Variants in GLYATL2 observed in about 807,000 individuals in gnomAD.
GLYATL2 encodes the protein glycine-N-acyltransferase like 2.
A neutral mutation model predicts 21.4 loss-of-function variants in GLYATL2; 25 were observed. That is an observed-to-expected ratio of 1.17 (90% CI 0.85 to 1.63). GLYATL2 has a LOEUF of 1.63. GLYATL2 is among the 40% of genes most tolerant of loss of function. GLYATL2 has a pLI of 0.00. For missense variants in GLYATL2, 361 were observed against 343.3 expected (o/e 1.05, Z -0.41); for synonymous variants, 114 against 118.2 (o/e 0.96, Z 0.23).
chr11:58,900,003 T>C (rs756475724), intron 1 of GLYATL2, among the ~76,000 whole-genome samples: 7 of 145,948 alleles, frequency 4.8e-5, no homozygotes, highest in Non-Finnish European at 9.1e-5. Flanking sequence ...TAGGTATCAG[T>C]AGTATTTTGG....
At chr11:58,884,742 G>A (rs1854405760) in intron 1 of GLYATL2, among the ~76,000 whole-genome samples, 1 of 152,158 alleles carries the variant, frequency 6.6e-6, no homozygotes, top group Non-Finnish European at 1.5e-5. Flanking sequence ...ATCTCTGTAA[G>A]AACTTGAGAA....
chr11:58,861,807 TTTAA>T (rs1160482175), intron 1 of GLYATL2, among the ~76,000 whole-genome samples: 1 of 152,154 alleles, frequency 6.6e-6, no homozygotes, highest in African/African-American at 2.4e-5. Context: ...AAGCATGCTG[TTTAA>T]TTTTCATGTA....
chr11:58,842,679 A>C (rs1368150629), intron 1 of GLYATL2, among the ~76,000 whole-genome samples: 1 of 152,216 alleles, frequency 6.6e-6, no homozygotes, highest in African/African-American at 2.4e-5. Context: ...ATAATAAAAC[A>C]AAAATTCATG....
At chr11:58,849,794 G>A (rs1339517582) in intron 1 of GLYATL2, among the ~76,000 whole-genome samples, 1 of 152,124 alleles carries the variant, frequency 6.6e-6, no homozygotes, top group Admixed American at 6.6e-5. Context: ...TGGTAGGTGG[G>A]GGCCTGGGAG....
rs187424101 is a variant in GLYATL2, at chr11:58,855,673, T to A, written n.61-17305A>T. Among the ~76,000 whole-genome samples the A allele has an allele frequency of 1.3e-4, 20 of 152,354 alleles. No homozygotes were observed. The East Asian group carries it at 3.1e-3, about 23-fold the overall frequency. The stretch of plus-strand genomic sequence containing the variant: ...GTCTTCCCCTTTCCAGCTCTGAAAG[T>A]CCTTGATGGCATCTTCTTCCAAAAG... On this transcript the variant is annotated intron_variant and non_coding_transcript_variant, in intron 1 of 4. Transcript: ENST00000533636.
In GLYATL2 at chr11:58,866,381, A is replaced by G. The variant is rs112955726; in HGVS notation, n.61-28013T>C. On this transcript the variant is annotated intron_variant and non_coding_transcript_variant, in intron 1 of 4. Transcript: ENST00000533636. ...AGTTAAAACAGCTTTCTTTTGCTAC[A>G]GAAAGATGCAACCACATCTAAAGCC... 1.3e-3 allele frequency among the ~76,000 whole-genome samples: 198 copies of G among 149,022 alleles called. 19 individuals carry two copies. Among genetic ancestry groups the G allele is most frequent in the Middle Eastern group, 6.8e-3 (2 of 294 alleles).
At chr11:58,890,946 A>G (rs1423043359) in intron 1 of GLYATL2, among the ~76,000 whole-genome samples, 1 of 151,920 alleles carries the variant, frequency 6.6e-6, no homozygotes, top group Non-Finnish European at 1.5e-5. Flanking sequence ...CATTATTTAT[A>G]GCTTTCATTT....
chr11:58,881,355 C>T (rs1554979046), intron 1 of GLYATL2, among the ~76,000 whole-genome samples: 1 of 152,184 alleles, frequency 6.6e-6, no homozygotes, highest in Non-Finnish European at 1.5e-5. Context: ...TGATGATAAC[C>T]TTCTCCAAGT....
rs1486449490 is a variant in GLYATL2, at chr11:58,840,888, A to T, written c.-40-1236T>A. 4 of 150,728 alleles carry T rather than the reference A, an allele frequency of 2.7e-5. No individual in the cohort carries two copies. The East Asian group carries it at 7.7e-4, about 29-fold the overall frequency. The allele number at this position is 150,728 out of a possible 1,614,324, so 9.3% of individuals were successfully genotyped here. A position where few individuals can be genotyped will look rare whatever the true frequency, so the allele number is the denominator to read the frequency against. On this transcript the variant is annotated intron_variant, in intron 1 of 5. Transcript: ENST00000287275. ...AATAAAATAAAATAAAATAAAAATT[A>T]AAAAAATAATAATATAAAGATGCAT... is the stretch of plus-strand genomic sequence containing the variant.
At chr11:58,884,288 G>C (rs1332368961) in intron 1 of GLYATL2, among the ~76,000 whole-genome samples, 2 of 152,192 alleles carry the variant, frequency 1.3e-5, no homozygotes, top group Admixed American at 6.5e-5. Context: ...CCTGTTTGCA[G>C]ATGATATGAT....
At chr11:58,882,601 C>T (rs1854360310) in intron 1 of GLYATL2, among the ~76,000 whole-genome samples, 1 of 152,142 alleles carries the variant, frequency 6.6e-6, no homozygotes, top group Non-Finnish European at 1.5e-5. Flanking sequence ...TCCCATTTGT[C>T]TATTCTGGCT....
At chr11:58,906,467 T>C (rs1025126523), upstream of GLYATL2, among the ~76,000 whole-genome samples, 3 of 152,090 alleles carry the variant, frequency 2.0e-5, no homozygotes, top group Non-Finnish European at 4.4e-5. Context: ...CTGTTCAAAG[T>C]TCCTGGGGTG....
At chr11:58,865,351 CA>C (rs1199031026) in intron 1 of GLYATL2, among the ~76,000 whole-genome samples, 1 of 148,596 alleles carries the variant, frequency 6.7e-6, no homozygotes, top group Non-Finnish European at 1.5e-5. Flanking sequence ...TTTTCCTTAA[CA>C]AAATAGGACT....
chr11:58,838,856 A>C (rs577053883), intron 2 of GLYATL2, among the ~76,000 whole-genome samples: 1 of 152,270 alleles, frequency 6.6e-6, no homozygotes, highest in East Asian at 1.9e-4. Flanking sequence ...CCCAAGGAGG[A>C]AAAGCACTAC....
At chr11:58,904,393 T>C (rs953097360), upstream of GLYATL2, among the ~76,000 whole-genome samples, 1 of 152,240 alleles carries the variant, frequency 6.6e-6, no homozygotes, top group Non-Finnish European at 1.5e-5. Flanking sequence ...TTTATGCTAA[T>C]GGAATGTGCA....
At chr11:58,864,593 C>T (rs1188508986) in intron 1 of GLYATL2, among the ~76,000 whole-genome samples, 1 of 149,260 alleles carries the variant, frequency 6.7e-6, no homozygotes, top group East Asian at 2.2e-4. Context: ...GTGTGCTCTG[C>T]TGCTCTGGTA....
rs1197394818 is a variant in GLYATL2, at chr11:58,837,057, C to A, written c.434G>T (p.Ser145Ile). ...TTCAAATAACTCCATCTTGTCATTA[C>A]TTGAGGTCTTGTGTTTCTTTGGTAA... is the stretch of plus-strand genomic sequence containing the variant. Reference protein sequence around the residue: ...PELPKKHKTSSNDKMELFEVD... With the variant: ...PELPKKHKTSINDKMELFEVD... Residue 145 changes from serine to isoleucine, a missense_variant, in exon 5 of 6, where the codon AGT (serine) becomes ATT (isoleucine). Ser to Ile is a moderately radical substitution (Grantham distance 142, BLOSUM62 -2). Coordinates refer to ENST00000287275, the MANE Select transcript of GLYATL2 (RefSeq NM_145016.4). 1.2e-6 allele frequency: 2 copies of A among 1,613,736 alleles called. No individual in the cohort carries two copies. The highest frequency in any genetic ancestry group is 1.7e-6 in the Non-Finnish European group (2 of 1,179,698).
upstream of GLYATL2, among the ~76,000 whole-genome samples, chr11:58,845,879 C>A (rs565766584): frequency 6.6e-6 from 1 of 152,234 alleles, no homozygotes; most frequent in South Asian, 2.1e-4. Flanking sequence ...ATCATCTACT[C>A]CAGATGACAT....
intron 1 of GLYATL2, among the ~76,000 whole-genome samples, chr11:58,840,019 C>G (rs1401546171): frequency 6.6e-6 from 1 of 151,928 alleles, no homozygotes; most frequent in Non-Finnish European, 1.5e-5. Flanking sequence ...TCTGGAGAGC[C>G]CACCACCCCC....
Sources: allele counts gnomAD v4.1 joint callset (sites outside exome capture counted in the v4.1 genomes callset), GRCh38; gene constraint gnomAD v4.1.1; transcripts MANE v1.5; gene names NCBI Gene and HGNC (gene_info 2026-07-23, HGNC 2026-07-21).